C12orf43: variants seen among roughly 807,000 people sequenced by gnomAD.
C12orf43 encodes the protein chromosome 12 open reading frame 43.
In C12orf43, 15 loss-of-function variants were observed where a neutral mutation model predicts 20.6. The ratio of observed to expected loss-of-function variants is 0.73; its 90% confidence interval spans 0.49 to 1.12. C12orf43 has a LOEUF of 1.12. Ranked by LOEUF, C12orf43 falls within the 50% of genes most tolerant of loss-of-function variation. The pLI, the probability that C12orf43 is intolerant of heterozygous loss-of-function variation, is 0.00. For missense variants in C12orf43, 334 were observed against 344.4 expected (o/e 0.97, Z 0.24); for synonymous variants, 144 against 130.8 (o/e 1.10, Z -0.69).
rs1877838795 is a variant in C12orf43 at position 121,004,628 on chromosome 12, G to A, written c.453-139C>T. The stretch of plus-strand genomic sequence containing the variant: ...AGGTAGTGAGTTCAGGCTTGGGAGT[G>A]AGGCCAACCTGGCTTCCAATACTGG... On this transcript the variant is annotated intron_variant, in intron 5 of 5. Coordinates refer to ENST00000288757, the MANE Select transcript of C12orf43 (RefSeq NM_022895.3). This position sits in a 1 kb window ranked among gnomAD's most constrained non-coding sequence, Gnocchi z 5.6. 9 of 860,884 alleles carry A rather than the reference G, an allele frequency of 1.0e-5. No individual in the cohort carries two copies. Among genetic ancestry groups the A allele is most frequent in the Non-Finnish European group, 1.6e-5 (9 of 565,586 alleles). 53.3% of individuals were successfully genotyped at this position (860,884 alleles called of 1,614,324 possible).
At chr12:121,014,642 AT>A (rs1565899740) in intron 1 of C12orf43, among the ~76,000 whole-genome samples, 2 of 50,684 alleles carry the variant, frequency 3.9e-5, no homozygotes, top group African/African-American at 1.1e-4. Flanking sequence ...AAAAAAAAAA[AT>A]GCAAAAAAAA....
Sources: allele counts gnomAD v4.1 joint callset (sites outside exome capture counted in the v4.1 genomes callset), GRCh38; gene constraint gnomAD v4.1.1; non-coding constraint Gnocchi (gnomAD v3.1); transcripts MANE v1.5; gene names NCBI Gene and HGNC (gene_info 2026-07-23, HGNC 2026-07-21).